Variants in CNTN5 observed in about 807,000 individuals in gnomAD.
CNTN5 encodes the protein contactin 5.
CNTN5 carries 77 observed loss-of-function variants against 129.1 expected under a neutral mutation model. The ratio of observed to expected loss-of-function variants is 0.60; its 90% CI spans 0.50 to 0.72. The LOEUF is 0.72. Ranked by LOEUF, CNTN5 falls within the 30% of genes least tolerant of loss-of-function variation. The pLI is 0.00. For synonymous variants in CNTN5, 509 were observed against 465.6 expected (o/e 1.09, Z -1.20); for missense variants, 1,478 against 1,328.8 (o/e 1.11, Z -1.75).
chr11:99,128,324 G>T (rs1243550339), intron 1 of CNTN5, among the ~76,000 whole-genome samples: 1 of 152,186 alleles, frequency 6.6e-6, no homozygotes, highest in Non-Finnish European at 1.5e-5. Context: ...AGACTGGGAT[G>T]TTTGGACTGG....
At chr11:100,309,330 T>A in intron 21 of CNTN5, 1 of 983,578 alleles carries the variant, frequency 1.0e-6, no homozygotes, top group Non-Finnish European at 1.2e-6. Flanking sequence ...GGCTGAAACA[T>A]ATTTTTAATT....
chr11:99,048,638 C>T (rs893065591), intron 1 of CNTN5, among the ~76,000 whole-genome samples: 16 of 152,074 alleles, frequency 1.1e-4, no homozygotes, highest in African/African-American at 3.9e-4. Flanking sequence ...TCATGTGAAA[C>T]TTTTAGTTTT....
At chr11:99,868,745 T>A (rs1184404876) in intron 6 of CNTN5, among the ~76,000 whole-genome samples, 1 of 152,158 alleles carries the variant, frequency 6.6e-6, no homozygotes, top group African/African-American at 2.4e-5. Context: ...GAGTTTGTGC[T>A]GGGAAGTCAG....
At chr11:100,309,333 T>G in intron 21 of CNTN5, 2 of 983,576 alleles carry the variant, frequency 2.0e-6, no homozygotes, top group South Asian at 9.4e-5. Flanking sequence ...TGAAACATAT[T>G]TTTAATTCTA....
chr11:100,117,996 G>GA (rs1945894322), intron 13 of CNTN5, among the ~76,000 whole-genome samples: 1 of 151,542 alleles, frequency 6.6e-6, no homozygotes, highest in Admixed American at 6.6e-5. Context: ...AACACGAACT[G>GA]GGAAAATTTC....
At chr11:99,978,715 T>A (rs570768935) in intron 8 of CNTN5, among the ~76,000 whole-genome samples, 1 of 152,198 alleles carries the variant, frequency 6.6e-6, no homozygotes, top group African/African-American at 2.4e-5. Context: ...TCTGATGTTT[T>A]AACAGCAACG....
intron 1 of CNTN5, among the ~76,000 whole-genome samples, chr11:99,310,047 T>C (rs551416666): frequency 1.3e-5 from 2 of 152,246 alleles, no homozygotes. Context: ...GGACACTTTT[T>C]ACAGTGTTGA....
intron 2 of CNTN5, among the ~76,000 whole-genome samples, chr11:99,527,616 CCT>C (rs961109191): frequency 1.3e-5 from 2 of 151,998 alleles, no homozygotes; most frequent in Non-Finnish European, 2.9e-5. Flanking sequence ...AAAAAAATAA[CCT>C]CTCTATTTTC....
At chr11:99,675,543 G>A (rs1953240284) in intron 3 of CNTN5, among the ~76,000 whole-genome samples, 1 of 152,068 alleles carries the variant, frequency 6.6e-6, no homozygotes, top group South Asian at 2.1e-4. Flanking sequence ...ATATTAGCTG[G>A]GCATGGTGGT....
chr11:99,891,489 C>T (rs1366650663), intron 6 of CNTN5, among the ~76,000 whole-genome samples: 2 of 151,968 alleles, frequency 1.3e-5, no homozygotes, highest in South Asian at 2.1e-4. Flanking sequence ...TAGGCCCCCA[C>T]CCCCCAACAG....
chr11:99,887,537 G>C (rs570504340), intron 6 of CNTN5, among the ~76,000 whole-genome samples: 28 of 152,294 alleles, frequency 1.8e-4, no homozygotes, highest in African/African-American at 5.8e-4. Flanking sequence ...AAGGAGTATT[G>C]ACTCACACAA....
intron 8 of CNTN5, among the ~76,000 whole-genome samples, chr11:99,976,212 ACT>A (rs1565744772): frequency 6.6e-6 from 1 of 152,142 alleles, no homozygotes; most frequent in African/African-American, 2.4e-5. Flanking sequence ...GCCTTTGGCA[ACT>A]CTGTCCCTTT....
chr11:100,061,147 G>C, intron 9 of CNTN5, 65 bp from the exon 10 acceptor site: 1 of 1,328,320 alleles, frequency 7.5e-7, no homozygotes, highest in South Asian at 1.6e-5. Flanking sequence ...TAAATTACCA[G>C]ATAACAGAAT....
intron 6 of CNTN5, among the ~76,000 whole-genome samples, chr11:99,849,362 A>T (rs1418603616): frequency 6.6e-6 from 1 of 151,750 alleles, no homozygotes; most frequent in African/African-American, 2.4e-5. Context: ...ATATATGCAT[A>T]ATTAGTATAT....
intron 13 of CNTN5, among the ~76,000 whole-genome samples, chr11:100,088,439 A>G (rs540316285): frequency 2.3e-4 from 35 of 152,216 alleles, no homozygotes; most frequent in Admixed American, 9.2e-4. Flanking sequence ...CAAAGAATCA[A>G]TGAAACCAAA....
chr11:99,151,388 G>A (rs963396089), intron 1 of CNTN5, among the ~76,000 whole-genome samples: 1 of 152,080 alleles, frequency 6.6e-6, no homozygotes, highest in African/African-American at 2.4e-5. Context: ...TGTCTTCATA[G>A]AAATATGATA....
intron 3 of CNTN5, among the ~76,000 whole-genome samples, chr11:99,662,206 G>A (rs1952618654): frequency 6.6e-6 from 1 of 152,190 alleles, no homozygotes; most frequent in African/African-American, 2.4e-5. Context: ...CAAAGAAATA[G>A]GAAACAAAGT....
At chr11:99,444,068 G>A (rs11607560) in intron 2 of CNTN5, among the ~76,000 whole-genome samples, 2,787 of 151,952 alleles carry the variant, frequency 0.018, 49 homozygotes, top group South Asian at 0.036. Flanking sequence ...TGTGGTGGTG[G>A]GCGCCTGTAG....
chr11:99,697,007 G>A lies in CNTN5; in HGVS notation c.56-122537G>A, dbSNP rs546345409. Among the ~76,000 whole-genome samples, 250 of 151,924 alleles carry A rather than the reference G, an allele frequency of 1.6e-3. 1 individual carries two copies. The highest frequency in any genetic ancestry group is 5.6e-3 in the African/African-American group (234 of 41,506). ...CCTCTCTTGATGGGAATGTCAAAAA[G>A]GACACATGAGTCAACTGGAAACTCT... On this transcript the variant is annotated intron_variant, in intron 3 of 24. Transcript: ENST00000524871.
Sources: allele counts gnomAD v4.1 joint callset (sites outside exome capture counted in the v4.1 genomes callset), GRCh38; gene constraint gnomAD v4.1.1; transcripts MANE v1.5; gene names NCBI Gene and HGNC (gene_info 2026-07-23, HGNC 2026-07-21).